SDK1: variants seen among roughly 807,000 people sequenced by gnomAD.
SDK1 encodes protein sidekick-1.
In SDK1, 157 loss-of-function variants were observed where a neutral mutation model predicts 245.5. That is an observed-to-expected ratio of 0.64 (90% CI 0.56 to 0.73). The LOEUF (loss-of-function observed/expected upper bound fraction) is 0.73, where lower values mean the gene tolerates loss of function less well. Ranked by LOEUF, SDK1 falls within the 30% of genes least tolerant of loss-of-function variation. The pLI is 0.00. For missense variants in SDK1, 3,583 were observed against 3,002.3 expected, an observed-to-expected ratio of 1.19 and a Z score of -4.52; for synonymous variants, 1,647 against 1,278.5, an observed-to-expected ratio of 1.29 and a Z score of -6.15.
At chr7:4,152,250 G>A (rs747072510) in intron 30 of SDK1, among the ~76,000 whole-genome samples, 2 of 152,158 alleles carry the variant, frequency 1.3e-5, no homozygotes, top group South Asian at 2.1e-4. Context: ...TTGAGCTACA[G>A]CAACAGAACT....
chr7:3,587,278 A>G (rs796114961), intron 1 of SDK1, among the ~76,000 whole-genome samples: 24 of 150,224 alleles, frequency 1.6e-4, no homozygotes, highest in African/African-American at 5.7e-4. Context: ...TGTATTAGTC[A>G]AGATTCTCCA....
chr7:4,077,185 C>T lies in SDK1; in HGVS notation c.3198C>T (p.Pro1066=), dbSNP rs773375763. 10 of 1,613,822 alleles carry T rather than the reference C, an allele frequency of 6.2e-6. No individual in the cohort carries two copies. The highest frequency in any genetic ancestry group is 1.7e-6 in the Non-Finnish European group (2 of 1,179,926). Residue 1066 remains proline, a synonymous_variant, in exon 21 of 45, where the codon CCC becomes CCT. Transcript: ENST00000404826. The part of the protein sequence containing the change: ...VTSSTISSGV[P]PDLPGAPSNL... The stretch of plus-strand genomic sequence containing the variant: ...CATCCACCATTTCTTCTGGAGTGCC[C>T]CCAGGTCAGTAGAATCGTGTGCGGT...
At chr7:3,509,012 A>G (rs1294871037) in intron 1 of SDK1, among the ~76,000 whole-genome samples, 1 of 152,132 alleles carries the variant, frequency 6.6e-6, no homozygotes. Flanking sequence ...GGTGGGTCAT[A>G]GCAGGCAGGC....
At chr7:3,991,377 A>G (rs1352701862) in intron 14 of SDK1, among the ~76,000 whole-genome samples, 3 of 152,102 alleles carry the variant, frequency 2.0e-5, no homozygotes, top group Non-Finnish European at 4.4e-5. Flanking sequence ...CCAGGCAGAA[A>G]TGGCTTTTCC....
chr7:3,770,635 G>C (rs2114999642), intron 4 of SDK1, among the ~76,000 whole-genome samples: 1 of 152,324 alleles, frequency 6.6e-6, no homozygotes. Flanking sequence ...CCCCCTTGCT[G>C]TGGCTGCCCA....
At chr7:4,014,503 G>A (rs1786241908) in intron 16 of SDK1, among the ~76,000 whole-genome samples, 1 of 152,176 alleles carries the variant, frequency 6.6e-6, no homozygotes, top group South Asian at 2.1e-4. Context: ...CCTCTGGTCT[G>A]CACATCAGCT....
chr7:3,373,044 G>C (rs371077059), intron 1 of SDK1, among the ~76,000 whole-genome samples: 1 of 152,172 alleles, frequency 6.6e-6, no homozygotes, highest in African/African-American at 2.4e-5. Context: ...TCAATATTAA[G>C]AATTATTGCT....
chr7:3,871,621 A>G (rs1780958637), intron 5 of SDK1, among the ~76,000 whole-genome samples: 1 of 152,242 alleles, frequency 6.6e-6, no homozygotes, highest in South Asian at 2.1e-4. Flanking sequence ...AAAGTAAAGG[A>G]GAGCCTGTGT....
At chr7:3,512,485 G>C (rs1337883114) in intron 1 of SDK1, among the ~76,000 whole-genome samples, 1 of 152,180 alleles carries the variant, frequency 6.6e-6, no homozygotes, top group Admixed American at 6.5e-5. Flanking sequence ...GAATACCAAG[G>C]AGTGTGGATC....
At chr7:3,362,084 T>G (rs1583744781) in intron 1 of SDK1, among the ~76,000 whole-genome samples, 1 of 152,318 alleles carries the variant, frequency 6.6e-6, no homozygotes, top group East Asian at 1.9e-4. Flanking sequence ...ATAATTTTTC[T>G]GAGTGAAGGG....
At chr7:3,366,406 G>C (rs1378640981) in intron 1 of SDK1, among the ~76,000 whole-genome samples, 1 of 151,346 alleles carries the variant, frequency 6.6e-6, no homozygotes, top group Non-Finnish European at 1.5e-5. Flanking sequence ...ATAGCACATA[G>C]AGATCTTCCT....
rs758294405 is a variant in SDK1, at chr7:4,220,215, G to A, written c.5646G>A (p.Arg1882=). The change falls in exon 39 of 45, where the codon CGG becomes CGA. Residue 1882 remains arginine (R), a synonymous_variant. Coordinates refer to ENST00000404826, the MANE Select transcript of SDK1 (RefSeq NM_152744.4). ...GVTYFFRVQA[R]TITYGPELQA... ...CCTATTTCTTCCGTGTCCAAGCGCG[G>A]ACCATCACCTACGGGCCCGAGCTCC... 1.9e-6 allele frequency: 3 copies of A among 1,613,994 alleles called. No homozygotes were observed. The highest frequency in any genetic ancestry group is 1.1e-5 in the South Asian group (1 of 91,072).
intron 1 of SDK1, among the ~76,000 whole-genome samples, chr7:3,522,783 A>G (rs1191579211): frequency 6.6e-6 from 1 of 152,134 alleles, no homozygotes; most frequent in Non-Finnish European, 1.5e-5. Context: ...CCTTTTGAAA[A>G]ACATGATCTG....
intron 28 of SDK1, among the ~76,000 whole-genome samples, chr7:4,132,854 T>G (rs1290615115): frequency 6.6e-6 from 1 of 152,236 alleles, no homozygotes; most frequent in East Asian, 1.9e-4. Context: ...GCCTAGCATT[T>G]CCTGAACCGA....
rs373064154 is a variant in SDK1 at position 4,143,687 on chromosome 7, C to T, written c.4229-2035C>T. Among the ~76,000 whole-genome samples, 24 of 152,314 alleles carry T rather than the reference C, an allele frequency of 1.6e-4. No homozygotes were observed. In the East Asian group the frequency reaches 3.1e-3, roughly 20 times the overall value. On this transcript the variant is annotated intron_variant, in intron 28 of 44. Coordinates refer to ENST00000404826, the MANE Select transcript of SDK1 (RefSeq NM_152744.4). Reference sequence around the variant, plus strand: ...CCCTGGGGTCCGTGGTTCCGAGCAACGGGGACCTGGCGAGGGGATGCTCTC... The same window carrying T: ...CCCTGGGGTCCGTGGTTCCGAGCAATGGGGACCTGGCGAGGGGATGCTCTC...
chr7:4,217,259 A>G (rs370947052), intron 38 of SDK1, among the ~76,000 whole-genome samples: 77 of 118,928 alleles, frequency 6.5e-4, no homozygotes, highest in East Asian at 4.9e-3. Flanking sequence ...GGAGAACCAC[A>G]CCACCCGGAG....
At chr7:4,153,301 A>G (rs531233728) in intron 30 of SDK1, among the ~76,000 whole-genome samples, 1 of 151,048 alleles carries the variant, frequency 6.6e-6, no homozygotes, top group East Asian at 2.0e-4. Flanking sequence ...TAAGGATCAG[A>G]TGGGCTGGGC....
At chr7:4,107,152 T>TGGGGAGGGTGGGGAGGGTGGGGAGGGG (rs1782984040) in intron 22 of SDK1, among the ~76,000 whole-genome samples, 2 of 3,562 alleles carry the variant, frequency 5.6e-4, no homozygotes, top group Non-Finnish European at 5.9e-4. Flanking sequence ...GTGGGGAGGG[T>TGGGGAGGGTGGGGAGGGTGGGGAGGGG]GGGGAGGGTG....
At chr7:3,349,215 C>T (rs1780591625) in intron 1 of SDK1, among the ~76,000 whole-genome samples, 1 of 151,934 alleles carries the variant, frequency 6.6e-6, no homozygotes, top group South Asian at 2.1e-4. Context: ...AAAAACACAA[C>T]AAAACAAACA....
Sources: allele counts gnomAD v4.1 joint callset (sites outside exome capture counted in the v4.1 genomes callset), GRCh38; gene constraint gnomAD v4.1.1; transcripts MANE v1.5; gene names NCBI Gene and HGNC (gene_info 2026-07-23, HGNC 2026-07-21).